The following GFOD2 variants were observed in gnomAD, a reference collection of about 807,000 sequenced individuals.
GFOD2 encodes glucose-fructose oxidoreductase domain-containing protein 2.
GFOD2 carries 9 observed loss-of-function variants against 24.6 expected under a neutral mutation model. That is an observed-to-expected ratio of 0.37 (90% CI 0.22 to 0.64). The LOEUF is 0.64. Among genes scored for constraint, GFOD2 ranks in the 30% least tolerant of loss-of-function variants. The probability of loss-of-function intolerance (pLI) is 0.65; values close to 1 mark genes in which losing one functional copy is unlikely to be tolerated. For missense variants in GFOD2, 476 were observed against 532.5 expected (o/e 0.89, Z 1.04); for synonymous variants, 211 against 224.8 (o/e 0.94, Z 0.55).
intron 1 of GFOD2, among the ~76,000 whole-genome samples, chr16:67,709,378 C>T (rs1292337438): frequency 6.6e-6 from 1 of 151,834 alleles, no homozygotes; most frequent in Non-Finnish European, 1.5e-5. Context: ...TAAAATGACA[C>T]CTGTAATTTA....
intron 1 of GFOD2, among the ~76,000 whole-genome samples, chr16:67,705,676 C>T (rs1433463885): frequency 6.6e-6 from 1 of 152,086 alleles, no homozygotes; most frequent in Non-Finnish European, 1.5e-5. Context: ...TGGTGGCTCA[C>T]ACCTGTAATC....
At chr16:67,703,798 C>G (rs950253623) in intron 1 of GFOD2, among the ~76,000 whole-genome samples, 4 of 152,172 alleles carry the variant, frequency 2.6e-5, no homozygotes, top group African/African-American at 9.7e-5. Flanking sequence ...GGGCTAGAGG[C>G]AGTGTACAGG....
At chr16:67,700,493 C>A (rs2053394118) in intron 1 of GFOD2, among the ~76,000 whole-genome samples, 1 of 152,180 alleles carries the variant, frequency 6.6e-6, no homozygotes, top group Non-Finnish European at 1.5e-5. Context: ...CGGTGGCTCA[C>A]CTGAGGTCAG....
chr16:67,698,099 G>T (rs1371008273), intron 1 of GFOD2, among the ~76,000 whole-genome samples: 1 of 152,190 alleles, frequency 6.6e-6, no homozygotes, highest in Non-Finnish European at 1.5e-5. Context: ...CCAAGGGAAA[G>T]AACCAGGAAG....
At chr16:67,694,898 ATT>A (rs2053346569) in intron 1 of GFOD2, among the ~76,000 whole-genome samples, 1 of 147,492 alleles carries the variant, frequency 6.8e-6, no homozygotes, top group South Asian at 2.1e-4. Context: ...GGGTTGTTTT[ATT>A]TTAACCAGCT....
chr16:67,712,387 C>T (rs1316079349), intron 1 of GFOD2, among the ~76,000 whole-genome samples: 2 of 140,028 alleles, frequency 1.4e-5, no homozygotes, highest in Non-Finnish European at 3.1e-5. Flanking sequence ...ACCTCCCTGC[C>T]TGATTCTCCT....
chr16:67,714,296 T>A (rs1311115171), intron 1 of GFOD2, among the ~76,000 whole-genome samples: 2 of 150,018 alleles, frequency 1.3e-5, no homozygotes, highest in Non-Finnish European at 2.9e-5. Flanking sequence ...CTGGCCAACA[T>A]GACGAAACCC....
rs1453246760 is a variant in GFOD2, at chr16:67,699,842, A to T, written c.-87-14040T>A. On this transcript the variant is annotated intron_variant, in intron 1 of 2. Transcript: ENST00000268797. ...AAAAAAAGGCCAGGTGCAGTGGCTC[A>T]CCTGTAATCCCAGAATTTTGGGAGG... Among the ~76,000 whole-genome samples the T allele has an allele frequency of 2.0e-5, 3 of 151,866 alleles. No individual in the cohort carries two copies. In the East Asian group the frequency reaches 5.8e-4, roughly 29 times the overall value.
intron 2 of GFOD2, chr16:67,682,444 T>G: frequency 1.0e-6 from 1 of 985,266 alleles, no homozygotes; most frequent in Non-Finnish European, 1.2e-6. Flanking sequence ...GCAAAGATGC[T>G]AGGGGCACCT....
At chr16:67,719,013 C>G (rs1434630659) in intron 1 of GFOD2, 150 bp downstream of exon 1, 1 of 152,252 alleles carries the variant, frequency 6.6e-6, no homozygotes, top group Non-Finnish European at 1.5e-5. Flanking sequence ...CGCCTGCAGG[C>G]AGTTGGAACA....
chr16:67,690,801 T>C (rs527812315), intron 1 of GFOD2, among the ~76,000 whole-genome samples: 1 of 152,352 alleles, frequency 6.6e-6, no homozygotes, highest in South Asian at 2.1e-4. Flanking sequence ...ATGTATTACC[T>C]TTGGTAACAT....
At chr16:67,681,689 G>GT (rs2053226343) in intron 2 of GFOD2, 3 of 981,390 alleles carry the variant, frequency 3.1e-6, no homozygotes, top group East Asian at 2.3e-4. Context: ...GATTAGAGGT[G>GT]TGAGGCACTG....
At chr16:67,680,965 G>A in intron 2 of GFOD2, 1 of 985,410 alleles carries the variant, frequency 1.0e-6, no homozygotes, top group Non-Finnish European at 1.2e-6. Flanking sequence ...TCACATACCT[G>A]GGATAGGGTG....
At chr16:67,718,390 C>A (rs988491182) in intron 1 of GFOD2, among the ~76,000 whole-genome samples, 36 of 152,226 alleles carry the variant, frequency 2.4e-4, no homozygotes, top group African/African-American at 8.7e-4. Flanking sequence ...TCCAATACAG[C>A]TTTCAACTCT....
intron 2 of GFOD2, chr16:67,680,829 A>T (rs958222557): frequency 1.0e-6 from 1 of 982,638 alleles, no homozygotes; most frequent in East Asian, 1.1e-4. Flanking sequence ...TTTGTTACAT[A>T]TGTATACATG....
At chr16:67,711,507 T>C (rs969534880) in intron 1 of GFOD2, among the ~76,000 whole-genome samples, 2 of 152,184 alleles carry the variant, frequency 1.3e-5, no homozygotes, top group African/African-American at 4.8e-5. Context: ...GGTGGTTCCA[T>C]TCAGTGTCAT....
chr16:67,715,571 T>C (rs912399216), intron 1 of GFOD2, among the ~76,000 whole-genome samples: 5 of 152,216 alleles, frequency 3.3e-5, no homozygotes, highest in Admixed American at 3.3e-4. Context: ...TCAAGTGTCT[T>C]TCATTCTCAC....
chr16:67,684,541 C>G (rs1477941974), intron 2 of GFOD2: 1 of 157,386 alleles, frequency 6.4e-6, no homozygotes, highest in Non-Finnish European at 1.4e-5. Flanking sequence ...ACTAAAAATA[C>G]AAAAATTAGC....
At chr16:67,694,457 A>C (rs529011681) in intron 1 of GFOD2, among the ~76,000 whole-genome samples, 26 of 152,096 alleles carry the variant, frequency 1.7e-4, no homozygotes, top group Non-Finnish European at 3.7e-4. Flanking sequence ...TTAATAAAAA[A>C]GTTTTTTTTA....
Sources: allele counts gnomAD v4.1 joint callset (sites outside exome capture counted in the v4.1 genomes callset), GRCh38; gene constraint gnomAD v4.1.1; transcripts MANE v1.5; gene names NCBI Gene and HGNC (gene_info 2026-07-23, HGNC 2026-07-21).